The following CACNA1I variants were observed in gnomAD, a reference collection of about 807,000 sequenced individuals.
CACNA1I encodes the protein calcium voltage-gated channel subunit alpha1 I, also known as voltage-dependent T-type calcium channel subunit alpha-1I.
In CACNA1I, 74 loss-of-function variants were observed where a neutral mutation model predicts 201.6. That is an observed-to-expected ratio of 0.37 (90% CI 0.30 to 0.45). CACNA1I has a LOEUF of 0.45. Among genes scored for constraint, CACNA1I ranks in the 20% least tolerant of loss-of-function variants. The probability of loss-of-function intolerance (pLI) is 1.00; values close to 1 mark genes in which losing one functional copy is unlikely to be tolerated. For synonymous variants in CACNA1I, 1,431 were observed against 1,345.2 expected (o/e 1.06, Z -1.40); for missense variants, 2,346 against 3,138.1 (o/e 0.75, Z 6.03).
At chr22:39,678,252 G>T (rs1465508521) in intron 31 of CACNA1I, 144 bp downstream of exon 31, 4 of 940,420 alleles carry the variant, frequency 4.3e-6, no homozygotes, top group Non-Finnish European at 6.3e-6. Context: ...GGAGGGGCCT[G>T]CCCAGGACCA....
intron 1 of CACNA1I, 175 bp downstream of exon 1, chr22:39,571,163 A>C: frequency 1.6e-6 from 1 of 620,286 alleles, no homozygotes; most frequent in Non-Finnish European, 2.9e-6. Flanking sequence ...GAGACCTCAA[A>C]TGGATGAGGA....
intron 7 of CACNA1I, among the ~76,000 whole-genome samples, chr22:39,644,592 G>A (rs952780955): frequency 4.6e-5 from 7 of 152,168 alleles, no homozygotes; most frequent in Admixed American, 3.3e-4. Context: ...CACCTGCAGG[G>A]TCACCTCCTG....
chr22:39,580,144 TG>T lies in CACNA1I; in HGVS notation c.236+9160del, dbSNP rs1490522967. On this transcript the variant is annotated intron_variant, in intron 1 of 36. Coordinates refer to ENST00000402142, the MANE Select transcript of CACNA1I (RefSeq NM_021096.4). ...GAGACACACATCAAAGCCATATCTC[TG>T]GGGAAGGGGCTCTTTAGAGGGGGAG... Among the ~76,000 whole-genome samples, 5 of 152,318 alleles carry T rather than the reference TG, an allele frequency of 3.3e-5. No individual in the cohort carries two copies. In the East Asian group the frequency reaches 9.6e-4, roughly 29 times the overall value.
rs1349702861 is a variant in CACNA1I, at chr22:39,612,607, TA to T, written c.483-6698del. On this transcript the variant is annotated intron_variant, in intron 3 of 36. Coordinates refer to ENST00000402142, the MANE Select transcript of CACNA1I (RefSeq NM_021096.4). ...CAGATGAGTTTCCCTTTGCCTGTTT[TA>T]AAAAGGTGCTAATCTCATTCTTGAG... Among the ~76,000 whole-genome samples, 3 of 152,248 alleles carry T rather than the reference TA, an allele frequency of 2.0e-5. No individual in the cohort carries two copies. In the East Asian group the frequency reaches 5.8e-4, roughly 29 times the overall value.
intron 10 of CACNA1I, among the ~76,000 whole-genome samples, chr22:39,650,528 C>T (rs1306037118): frequency 2.6e-5 from 4 of 152,182 alleles, no homozygotes; most frequent in African/African-American, 7.2e-5. Context: ...TGGGCTCTTC[C>T]CTGCCTCAAA....
At position 39,684,912 on chromosome 22, in the gene CACNA1I, T is replaced by A; in HGVS notation, c.6027+414T>A. 1 of 350,808 alleles carries A rather than the reference T, an allele frequency of 2.9e-6. No individual in the cohort carries two copies. The highest frequency in any genetic ancestry group is 2.1e-5 in the African/African-American group (1 of 47,738). 21.7% of individuals were successfully genotyped at this position (350,808 alleles called of 1,614,324 possible). ...CTAGGAATGGAGGTGGGAGGGCGGG[T>A]CTGGTGGATGAGAAGCCTCGGGCTG... On this transcript the variant is annotated intron_variant, in intron 36 of 36. Coordinates refer to ENST00000402142, the MANE Select transcript of CACNA1I (RefSeq NM_021096.4). The surrounding 1 kb of genome is among the most constrained non-coding windows in gnomAD (Gnocchi z 4.6).
Position 39,648,308 on chromosome 22 carries a change from C to G in CACNA1I, c.1567+382C>G, listed in dbSNP as rs1934549601. On this transcript the variant is annotated intron_variant, in intron 9 of 36. Coordinates refer to ENST00000402142, the MANE Select transcript of CACNA1I (RefSeq NM_021096.4). The surrounding 1 kb of genome is among the most constrained non-coding windows in gnomAD (Gnocchi z 5.4). ...CAGGCCCGGCATGCGGACACAGGAGCTGGGGCCGGGCAAGGCTGGCACTGG... is the reference window on the plus strand; with the variant it reads ...CAGGCCCGGCATGCGGACACAGGAGGTGGGGCCGGGCAAGGCTGGCACTGG... Among the ~76,000 whole-genome samples, 1 of 152,172 alleles carries G rather than the reference C, an allele frequency of 6.6e-6. No individual in the cohort carries two copies. Among genetic ancestry groups the G allele is most frequent in the Non-Finnish European group, 1.5e-5 (1 of 68,022 alleles).
At chr22:39,664,180 G>T (rs761826426) in intron 20 of CACNA1I, 21 bp downstream of exon 20, 1 of 1,605,418 alleles carries the variant, frequency 6.2e-7, no homozygotes, top group Admixed American at 1.7e-5. Context: ...GTTTCACCCG[G>T]GACCCCTGCT....
At chr22:39,575,059 C>T (rs996700866) in intron 1 of CACNA1I, among the ~76,000 whole-genome samples, 4 of 152,242 alleles carry the variant, frequency 2.6e-5, no homozygotes, top group African/African-American at 7.2e-5. Context: ...AAGGGCCACT[C>T]GCCCATATGT....
rs533404555 is a variant in CACNA1I, at chr22:39,648,347, C to T, written c.1567+421C>T. 5.9e-5 allele frequency among the ~76,000 whole-genome samples: 9 copies of T among 152,152 alleles called. No individual in the cohort carries two copies. Among genetic ancestry groups the T allele is most frequent in the Non-Finnish European group, 8.8e-5 (6 of 68,018 alleles). On this transcript the variant is annotated intron_variant, in intron 9 of 36. Coordinates refer to ENST00000402142, the MANE Select transcript of CACNA1I (RefSeq NM_021096.4). The surrounding 1 kb of genome is among the most constrained non-coding windows in gnomAD (Gnocchi z 5.4). ...GGCTGGCACTGGTGTTGCTGGAGGA[C>T]GTGGGGGAGAAGTGTTCACTCCAAC...
intron 4 of CACNA1I, among the ~76,000 whole-genome samples, chr22:39,623,300 G>A (rs983799497): frequency 6.6e-6 from 1 of 151,836 alleles, no homozygotes; most frequent in Non-Finnish European, 1.5e-5. Context: ...TGTGAGGTGC[G>A]TGTGCACATG....
chr22:39,624,419 G>A (rs545893192), intron 4 of CACNA1I, among the ~76,000 whole-genome samples: 1 of 152,178 alleles, frequency 6.6e-6, no homozygotes, highest in African/African-American at 2.4e-5. Flanking sequence ...AGCGGGCTCC[G>A]AGCCTTTCCT....
chr22:39,677,479 G>C lies in CACNA1I; in HGVS notation c.4933+60G>C. 2.5e-6 allele frequency: 3 copies of C among 1,220,382 alleles called. No individual in the cohort carries two copies. The highest frequency in any genetic ancestry group is 1.5e-5 in the South Asian group (1 of 67,616). The allele number at this position is 1,220,382 out of a possible 1,614,324, so 75.6% of individuals were successfully genotyped here. A position where few individuals can be genotyped will look rare whatever the true frequency, so the allele number is the denominator to read the frequency against. ...TGCAGCAGGGCTGCAGGAGGAACTG[G>C]GGGGGCGGGGGAGGCCTGAGACCCC... On this transcript the variant is annotated intron_variant, in intron 30 of 36. Coordinates refer to ENST00000402142, the MANE Select transcript of CACNA1I (RefSeq NM_021096.4). This position sits in a 1 kb window ranked among gnomAD's most constrained non-coding sequence, Gnocchi z 4.8.
chr22:39,641,326 A>T, intron 6 of CACNA1I, 144 bp downstream of exon 6: 1 of 660,886 alleles, frequency 1.5e-6, no homozygotes, highest in South Asian at 1.9e-5. Flanking sequence ...TATCATGCCC[A>T]TTTTATAGAC....
chr22:39,605,134 G>T (rs1362867004), intron 3 of CACNA1I, among the ~76,000 whole-genome samples: 1 of 119,536 alleles, frequency 8.4e-6, no homozygotes, highest in Non-Finnish European at 1.6e-5. Context: ...TGCTATAAAT[G>T]TTCTGTTCCC....
In CACNA1I at chr22:39,665,680, T is replaced by C; in HGVS notation, c.3978+56T>C. 3 of 1,594,486 alleles carry C rather than the reference T, an allele frequency of 1.9e-6. No homozygotes were observed. Among genetic ancestry groups the C allele is most frequent in the South Asian group, 1.1e-5 (1 of 89,588 alleles). On this transcript the variant is annotated intron_variant, in intron 22 of 36. Coordinates refer to ENST00000402142, the MANE Select transcript of CACNA1I (RefSeq NM_021096.4). The surrounding 1 kb of genome is among the most constrained non-coding windows in gnomAD (Gnocchi z 5.5). ...GGCTCTGTGACTGGGGAAAAGGAAGTCTCAGACAGCCAGGGGAGAGACTCC... is the reference window on the plus strand; with the variant it reads ...GGCTCTGTGACTGGGGAAAAGGAAGCCTCAGACAGCCAGGGGAGAGACTCC...
intron 23 of CACNA1I, among the ~76,000 whole-genome samples, chr22:39,667,103 C>G (rs549084374): frequency 6.6e-6 from 1 of 152,312 alleles, no homozygotes; most frequent in African/African-American, 2.4e-5. Flanking sequence ...CCTCAGTGGC[C>G]CTTACCAGCC....
chr22:39,638,993 C>G (rs1358838122), intron 5 of CACNA1I, among the ~76,000 whole-genome samples: 2 of 152,240 alleles, frequency 1.3e-5, no homozygotes, highest in Admixed American at 6.5e-5. Flanking sequence ...GCTGGACACT[C>G]ACCTCCTGCT....
At chr22:39,607,463 C>T (rs1011799931) in intron 3 of CACNA1I, among the ~76,000 whole-genome samples, 40 of 152,280 alleles carry the variant, frequency 2.6e-4, no homozygotes, top group Middle Eastern at 3.4e-3. Flanking sequence ...CCCAGGTGGC[C>T]CTGATGTGGT....
Sources: allele counts gnomAD v4.1 joint callset (sites outside exome capture counted in the v4.1 genomes callset), GRCh38; gene constraint gnomAD v4.1.1; non-coding constraint Gnocchi (gnomAD v3.1); transcripts MANE v1.5; gene names NCBI Gene and HGNC (gene_info 2026-07-23, HGNC 2026-07-21).